Variants in NDUFB5 observed in about 807,000 individuals in gnomAD.
NDUFB5 encodes the protein NADH:ubiquinone oxidoreductase subunit B5.
NDUFB5 carries 19 observed loss-of-function variants against 19.4 expected under a neutral mutation model. The observed-to-expected ratio is 0.98, with a 90% CI of 0.68 to 1.43. The LOEUF (loss-of-function observed/expected upper bound fraction) is 1.43. Among genes scored for constraint, NDUFB5 ranks in the 40% most tolerant of loss-of-function variants. NDUFB5 has a pLI of 0.00. For synonymous variants in NDUFB5, 80 were observed against 82.6 expected, an observed-to-expected ratio of 0.97 and a Z score of 0.17; for missense variants, 233 against 236.5, an observed-to-expected ratio of 0.99 and a Z score of 0.10.
At position 179,625,085 on chromosome 3, in the gene NDUFB5, A is replaced by G. The variant is rs1211824548; in HGVS notation, c.*1045A>G. On this transcript the variant is annotated 3_prime_UTR_variant, in exon 6 of 6. Coordinates refer to ENST00000259037, the MANE Select transcript of NDUFB5 (RefSeq NM_002492.4). The stretch of plus-strand genomic sequence containing the variant: ...TTACAGGCCTGAGCCACTGCACCCA[A>G]CATTATTTTCAAAATGACAAGAGGT... 2 of 152,024 alleles carry G rather than the reference A, an allele frequency of 1.3e-5. No individual in the cohort carries two copies. Among genetic ancestry groups the G allele is most frequent in the Non-Finnish European group, 2.9e-5 (2 of 68,004 alleles). 9.4% of individuals were successfully genotyped at this position (152,024 alleles called of 1,614,324 possible).
rs2108403798 is a variant in NDUFB5 at position 179,621,669 on chromosome 3, T to A, written c.450-2251T>A. Among the ~76,000 whole-genome samples the A allele has an allele frequency of 1.3e-5, 2 of 151,660 alleles. 1 individual carries two copies. The highest frequency in any genetic ancestry group is 4.2e-4 in the South Asian group (2 of 4,788). ...CACACCCCGCAAATTTTTGTATTTT[T>A]AGTAGAGACCGGGTTTTGCCAGGCT... On this transcript the variant is annotated intron_variant, in intron 5 of 5. Coordinates refer to ENST00000259037, the MANE Select transcript of NDUFB5 (RefSeq NM_002492.4).
rs1252947766 is a variant in NDUFB5 at position 179,624,095 on chromosome 3, A to T, written c.*55A>T. On this transcript the variant is annotated 3_prime_UTR_variant, in exon 6 of 6. Coordinates refer to ENST00000259037, the MANE Select transcript of NDUFB5 (RefSeq NM_002492.4). ...TCTCTTTATTGGAAAATAAATTAAT[A>T]AATATATTCTGTATTTTTGCTCTCC... is the stretch of plus-strand genomic sequence containing the variant. The T allele has an allele frequency of 3.4e-6, 5 of 1,473,118 alleles. No individual in the cohort carries two copies. The African/African-American group carries it at 7.2e-5, about 21-fold the overall frequency. The allele number at this position is 1,473,118 out of a possible 1,614,324, so 91.3% of individuals were successfully genotyped here. A position where few individuals can be genotyped will look rare whatever the true frequency, so the allele number is the denominator to read the frequency against.
chr3:179,621,586 G>A (rs1012267790), intron 5 of NDUFB5, among the ~76,000 whole-genome samples: 1 of 144,988 alleles, frequency 6.9e-6, no homozygotes, highest in South Asian at 2.1e-4. Context: ...TCTGCTTTCC[G>A]GGTTCAAGCG....
chr3:179,623,161 A>G (rs1719580741), intron 5 of NDUFB5, among the ~76,000 whole-genome samples: 1 of 152,240 alleles, frequency 6.6e-6, no homozygotes, highest in African/African-American at 2.4e-5. Context: ...ATAGGCAGAC[A>G]CAAGATGTGA....
intron 1 of NDUFB5, among the ~76,000 whole-genome samples, 185 bp downstream of exon 1, chr3:179,605,124 T>C (rs188370994): frequency 1.3e-5 from 2 of 148,564 alleles, no homozygotes; most frequent in East Asian, 2.1e-4. Flanking sequence ...ATAGATCGTG[T>C]TTACATTATT....
chr3:179,627,414 C>T lies in NDUFB5; in HGVS notation c.*3374C>T, dbSNP rs761244108. ...GCTGCAAGGTCACTAGACAGATAAA[C>T]TCAAGTCGCAAAACATGTTTTTCCT... On this transcript the variant is annotated 3_prime_UTR_variant, in exon 6 of 6. Coordinates refer to ENST00000259037, the MANE Select transcript of NDUFB5 (RefSeq NM_002492.4). 6.6e-6 allele frequency: 1 copy of T among 152,190 alleles called. No homozygotes were observed. The highest frequency in any genetic ancestry group is 1.5e-5 in the Non-Finnish European group (1 of 68,034). The allele number at this position is 152,190 out of a possible 1,614,324, so 9.4% of individuals were successfully genotyped here. A position where few individuals can be genotyped will look rare whatever the true frequency, so the allele number is the denominator to read the frequency against.
intron 1 of NDUFB5, among the ~76,000 whole-genome samples, chr3:179,609,727 C>A (rs1719190625): frequency 6.6e-6 from 1 of 152,204 alleles, no homozygotes; most frequent in African/African-American, 2.4e-5. Context: ...CAACAGTGTA[C>A]AAAGATTCCA....
chr3:179,615,475 G>GGGAT lies in NDUFB5; in HGVS notation c.213+417_213+420dup, dbSNP rs1328994200. 4 of 376,180 alleles carry GGGAT rather than the reference G, an allele frequency of 1.1e-5. No homozygotes were observed. In the East Asian group the frequency reaches 3.0e-4, roughly 28 times the overall value. 23.3% of individuals were successfully genotyped at this position (376,180 alleles called of 1,614,324 possible). A position where few individuals can be genotyped will look rare whatever the true frequency, so the allele number is the denominator to read the frequency against. On this transcript the variant is annotated intron_variant, in intron 2 of 5. Coordinates refer to ENST00000259037, the MANE Select transcript of NDUFB5 (RefSeq NM_002492.4). Reference sequence around the variant, plus strand: ...GGAACATTTATTTCAGAGAGTAACAGGGATCTATAGTGCAATCTTAATTTA... The same window carrying GGGAT: ...GGAACATTTATTTCAGAGAGTAACAGGGATGGATCTATAGTGCAATCTTAATTTA...
At chr3:179,612,931 C>T (rs1010292581) in intron 1 of NDUFB5, among the ~76,000 whole-genome samples, 1 of 152,180 alleles carries the variant, frequency 6.6e-6, no homozygotes, top group African/African-American at 2.4e-5. Flanking sequence ...GAAGATCATC[C>T]TGTTTTGACC....
intron 1 of NDUFB5, among the ~76,000 whole-genome samples, chr3:179,605,924 T>C (rs906479050): frequency 6.6e-6 from 1 of 152,132 alleles, no homozygotes; most frequent in Non-Finnish European, 1.5e-5. Flanking sequence ...CCCCAGTAGC[T>C]GAGGCTACAG....
At chr3:179,616,239 A>T (rs1719374110) in intron 3 of NDUFB5, among the ~76,000 whole-genome samples, 190 bp downstream of exon 3, 1 of 152,164 alleles carries the variant, frequency 6.6e-6, no homozygotes, top group Non-Finnish European at 1.5e-5. Context: ...TCCATCCTAG[A>T]ACATATAAAA....
chr3:179,620,120 T>G (rs1199663056), intron 5 of NDUFB5, among the ~76,000 whole-genome samples: 2 of 152,218 alleles, frequency 1.3e-5, no homozygotes, highest in African/African-American at 4.8e-5. Flanking sequence ...ATGAGTATAT[T>G]GCAAAAATTT....
chr3:179,612,273 C>G (rs1719262743), intron 1 of NDUFB5, among the ~76,000 whole-genome samples: 1 of 149,648 alleles, frequency 6.7e-6, no homozygotes, highest in African/African-American at 2.5e-5. Flanking sequence ...CTCTCGATCC[C>G]AGGAGTTTGA....
intron 1 of NDUFB5, among the ~76,000 whole-genome samples, chr3:179,613,479 T>C (rs1252796312): frequency 6.6e-6 from 1 of 152,212 alleles, no homozygotes; most frequent in Non-Finnish European, 1.5e-5. Context: ...TTAGACCGTA[T>C]ATAGTTCTAG....
At position 179,625,281 on chromosome 3, in the gene NDUFB5, A is replaced by C. The variant is rs1719641636; in HGVS notation, c.*1241A>C. On this transcript the variant is annotated 3_prime_UTR_variant, in exon 6 of 6. Transcript: ENST00000259037. ...ATCTCATCTTAGAAGTATGTTTTAC[A>C]TTCTTCATAAAAATAAAAATGAACC... 6.6e-6 allele frequency: 1 copy of C among 152,194 alleles called. No homozygotes were observed. The allele number at this position is 152,194 out of a possible 1,614,324, so 9.4% of individuals were successfully genotyped here. A position where few individuals can be genotyped will look rare whatever the true frequency, so the allele number is the denominator to read the frequency against.
At chr3:179,610,640 A>G (rs1023714159) in intron 1 of NDUFB5, among the ~76,000 whole-genome samples, 3 of 152,154 alleles carry the variant, frequency 2.0e-5, no homozygotes, top group African/African-American at 7.2e-5. Flanking sequence ...ACAAATTCCT[A>G]TAGCCTCATC....
At position 179,621,830 on chromosome 3, in the gene NDUFB5, A is replaced by G. The variant is rs1409809581; in HGVS notation, c.450-2090A>G. 1.2e-4 allele frequency among the ~76,000 whole-genome samples: 19 copies of G among 152,108 alleles called. No individual in the cohort carries two copies. The East Asian group carries it at 3.3e-3, about 26-fold the overall frequency. On this transcript the variant is annotated intron_variant, in intron 5 of 5. Transcript: ENST00000259037. ...AATATCAGTGTTTTAATTACTTTCT[A>G]TGTATTTACTCATTTATAATTATTG...
At chr3:179,615,214 G>T in intron 2 of NDUFB5, 155 bp downstream of exon 2, 1 of 432,650 alleles carries the variant, frequency 2.3e-6, no homozygotes, top group Non-Finnish European at 4.2e-6. Flanking sequence ...AGTCTGATTT[G>T]TTATTGAATT....
At position 179,624,897 on chromosome 3, in the gene NDUFB5, A is replaced by G. The variant is rs1396443164; in HGVS notation, c.*857A>G. 2.7e-5 allele frequency: 4 copies of G among 150,694 alleles called. No individual in the cohort carries two copies. Among genetic ancestry groups the G allele is most frequent in the African/African-American group, 7.4e-5 (3 of 40,816 alleles). 9.3% of individuals were successfully genotyped at this position (150,694 alleles called of 1,614,324 possible). ...AACCTCCGCCTCCCGGGTTCAAGCAATTCTTGTCTCAGCCTCCCAAGTAGC... is the reference window on the plus strand; with the variant it reads ...AACCTCCGCCTCCCGGGTTCAAGCAGTTCTTGTCTCAGCCTCCCAAGTAGC... On this transcript the variant is annotated 3_prime_UTR_variant, in exon 6 of 6. Coordinates refer to ENST00000259037, the MANE Select transcript of NDUFB5 (RefSeq NM_002492.4).
Sources: gnomAD v4.1 joint callset for allele counts (sites outside exome capture counted in the v4.1 genomes callset) on GRCh38, gnomAD v4.1.1 for gene constraint, MANE v1.5 for transcripts, NCBI Gene and HGNC (gene_info 2026-07-23, HGNC 2026-07-21) for gene names.